VWA8: variants seen among roughly 807,000 people sequenced by gnomAD.
The protein encoded by VWA8 is von Willebrand factor A domain containing 8.
Under a neutral mutation model 241.5 loss-of-function variants are expected in VWA8, and 221 were observed. That is an observed-to-expected ratio of 0.91 (90% CI 0.82 to 1.02). The LOEUF (loss-of-function observed/expected upper bound fraction) is 1.02. VWA8 is among the 50% of genes least tolerant of loss of function. The probability of loss-of-function intolerance (pLI) is 0.00; values close to 1 mark genes in which losing one functional copy is unlikely to be tolerated. For synonymous variants in VWA8, 852 were observed against 827.1 expected, an observed-to-expected ratio of 1.03 and a Z score of -0.52; for missense variants, 2,322 against 2,328.7, an observed-to-expected ratio of 1.00 and a Z score of 0.06.
intron 40 of VWA8, among the ~76,000 whole-genome samples, chr13:41,593,787 A>G (rs912981690): frequency 6.6e-6 from 1 of 152,200 alleles, no homozygotes; most frequent in Non-Finnish European, 1.5e-5. Flanking sequence ...ACTAGTCTAG[A>G]CTGGGAAAAC....
At chr13:41,615,260 C>T (rs1397577008) in intron 37 of VWA8, among the ~76,000 whole-genome samples, 176 bp from the exon 38 acceptor site, 1 of 152,136 alleles carries the variant, frequency 6.6e-6, no homozygotes, top group Non-Finnish European at 1.5e-5. Context: ...ATTCCAACAT[C>T]CATCTAGTTG....
chr13:41,783,680 C>A, intron 19 of VWA8, 115 bp downstream of exon 19: 2 of 649,436 alleles, frequency 3.1e-6, no homozygotes, highest in Non-Finnish European at 2.5e-6. Flanking sequence ...CATTTTGCAT[C>A]ATCTAAATTA....
At chr13:41,836,843 C>T (rs545619211) in intron 12 of VWA8, among the ~76,000 whole-genome samples, 99 of 152,246 alleles carry the variant, frequency 6.5e-4, no homozygotes, top group South Asian at 1.7e-3. Context: ...TAGCTCACCG[C>T]TATAAATGCC....
intron 21 of VWA8, among the ~76,000 whole-genome samples, chr13:41,754,713 A>G (rs1204621220): frequency 6.6e-6 from 1 of 152,080 alleles, no homozygotes; most frequent in East Asian, 1.9e-4. Flanking sequence ...ATATAACTAT[A>G]TTTTTGTACT....
intron 33 of VWA8, 24 bp from the exon 34 acceptor site, chr13:41,689,532 C>T (rs2045161440): frequency 6.4e-7 from 1 of 1,552,468 alleles, no homozygotes; most frequent in Non-Finnish European, 8.7e-7. Flanking sequence ...ACATTAGACA[C>T]CATATGCTCC....
chr13:41,854,494 T>C (rs1010724779), intron 12 of VWA8, among the ~76,000 whole-genome samples: 3 of 149,688 alleles, frequency 2.0e-5, no homozygotes, highest in African/African-American at 7.3e-5. Context: ...ATTATATTTA[T>C]TTTTATTTTA....
At chr13:41,876,094 T>A (rs1873885413) in intron 9 of VWA8, among the ~76,000 whole-genome samples, 1 of 152,024 alleles carries the variant, frequency 6.6e-6, no homozygotes, top group Non-Finnish European at 1.5e-5. Context: ...TCCAACTACT[T>A]CTTATCAACA....
chr13:41,763,558 T>A (rs1432479888), intron 20 of VWA8, among the ~76,000 whole-genome samples: 2 of 152,176 alleles, frequency 1.3e-5, no homozygotes, highest in East Asian at 3.9e-4. Context: ...CATTTGCACA[T>A]CTGTATGTAA....
At chr13:41,941,121 A>C (rs1036256858) in intron 2 of VWA8, among the ~76,000 whole-genome samples, 1 of 152,180 alleles carries the variant, frequency 6.6e-6, no homozygotes, top group Non-Finnish European at 1.5e-5. Flanking sequence ...GCTCTCAGCC[A>C]GTCACTGTAT....
chr13:41,708,544 GT>G, intron 26 of VWA8, among the ~76,000 whole-genome samples: 2 of 152,204 alleles, frequency 1.3e-5, no homozygotes, highest in African/African-American at 4.8e-5. Context: ...CAGGATGTTG[GT>G]AAATTAATTT....
chr13:41,715,223 C>T (rs1305451350), intron 26 of VWA8, among the ~76,000 whole-genome samples: 5 of 151,852 alleles, frequency 3.3e-5, no homozygotes, highest in Non-Finnish European at 7.4e-5. Flanking sequence ...CTATTACCAT[C>T]ATCAATATTA....
chr13:41,587,461 CCAT>C, intron 42 of VWA8, 48 bp downstream of exon 42: 1 of 1,605,070 alleles, frequency 6.2e-7, no homozygotes, highest in Non-Finnish European at 8.5e-7. Context: ...ATCCACCTAT[CCAT>C]CATCATGGTC....
chr13:41,689,583 TCAA>T, intron 33 of VWA8, 75 bp from the exon 34 acceptor site: 1 of 1,324,784 alleles, frequency 7.5e-7, no homozygotes, highest in Non-Finnish European at 9.9e-7. Flanking sequence ...GATTTTATTC[TCAA>T]CAAGTCAAAT....
At chr13:41,712,900 A>T (rs1266548246) in intron 26 of VWA8, among the ~76,000 whole-genome samples, 2 of 152,372 alleles carry the variant, frequency 1.3e-5, no homozygotes, top group African/African-American at 4.8e-5. Flanking sequence ...CACTTAATAA[A>T]GACTTGATAA....
At chr13:41,910,833 A>G (rs957811715) in intron 3 of VWA8, among the ~76,000 whole-genome samples, 4 of 152,132 alleles carry the variant, frequency 2.6e-5, no homozygotes, top group African/African-American at 7.2e-5. Flanking sequence ...TTGAAGTACC[A>G]AAGAAGATTC....
chr13:41,618,814 T>C (rs1256886991), intron 37 of VWA8, among the ~76,000 whole-genome samples: 2 of 152,194 alleles, frequency 1.3e-5, no homozygotes, highest in African/African-American at 4.8e-5. Flanking sequence ...GAGGCCTCTG[T>C]TCTGTTCCAT....
At chr13:41,853,000 G>T (rs1566481900) in intron 12 of VWA8, among the ~76,000 whole-genome samples, 1 of 152,052 alleles carries the variant, frequency 6.6e-6, no homozygotes, top group Non-Finnish European at 1.5e-5. Context: ...TGGAATTTTG[G>T]TAGAGATTGA....
chr13:41,651,720 C>T (rs2044870593), intron 37 of VWA8, among the ~76,000 whole-genome samples: 1 of 151,402 alleles, frequency 6.6e-6, no homozygotes, highest in South Asian at 2.1e-4. Context: ...AGTTTTTTTT[C>T]CAAAAAAATC....
At chr13:41,733,810 C>T (rs1167694370) in intron 21 of VWA8, among the ~76,000 whole-genome samples, 1 of 152,060 alleles carries the variant, frequency 6.6e-6, no homozygotes, top group African/African-American at 2.4e-5. Flanking sequence ...CTCATTCTGT[C>T]CCCCACCTAG....
Sources: gnomAD v4.1 joint callset for allele counts (sites outside exome capture counted in the v4.1 genomes callset) on GRCh38, gnomAD v4.1.1 for gene constraint, MANE v1.5 for transcripts, NCBI Gene and HGNC (gene_info 2026-07-23, HGNC 2026-07-21) for gene names.